Variants in PRKCE observed in about 807,000 individuals in gnomAD.
The protein encoded by PRKCE is protein kinase C epsilon, also known as protein kinase C epsilon type.
In PRKCE, 16 loss-of-function variants were observed where a neutral mutation model predicts 85.4. The observed-to-expected ratio is 0.19, with a 90% CI of 0.13 to 0.28. The LOEUF is 0.28. PRKCE is among the 10% of genes least tolerant of loss of function. PRKCE has a pLI of 1.00. For missense variants in PRKCE, 573 were observed against 975.2 expected (o/e 0.59, Z 5.49); for synonymous variants, 388 against 371.5 (o/e 1.04, Z -0.51).
At chr2:46,150,997 T>G in intron 12 of PRKCE, 44 bp from the exon 13 acceptor site, 1 of 1,554,026 alleles carries the variant, frequency 6.4e-7, no homozygotes, top group Non-Finnish European at 8.7e-7. Flanking sequence ...GTCACTGGGG[T>G]GGGAGCCTTT....
At chr2:45,704,094 G>A (rs529385574) in intron 1 of PRKCE, among the ~76,000 whole-genome samples, 24 of 152,310 alleles carry the variant, frequency 1.6e-4, no homozygotes, top group African/African-American at 5.5e-4. Flanking sequence ...GCGATGCATA[G>A]CTGAATAGAA....
At chr2:46,169,455 C>T (rs746447447) in intron 14 of PRKCE, among the ~76,000 whole-genome samples, 10 of 152,174 alleles carry the variant, frequency 6.6e-5, no homozygotes, top group Non-Finnish European at 1.5e-4. Context: ...GGACCTATTT[C>T]GCCTTAACAG....
chr2:45,806,954 G>A (rs770550482), intron 1 of PRKCE, among the ~76,000 whole-genome samples: 3 of 152,216 alleles, frequency 2.0e-5, no homozygotes, highest in Non-Finnish European at 2.9e-5. Flanking sequence ...TGCCTAGAGA[G>A]CCACTGTGGG....
chr2:45,936,330 C>T (rs942967120), intron 2 of PRKCE, among the ~76,000 whole-genome samples: 3 of 152,272 alleles, frequency 2.0e-5, no homozygotes, highest in African/African-American at 7.2e-5. Context: ...CTCAGGAACC[C>T]GTGCCCCAGC....
At chr2:45,989,393 G>A (rs1223485909) in intron 6 of PRKCE, among the ~76,000 whole-genome samples, 1 of 152,218 alleles carries the variant, frequency 6.6e-6, no homozygotes, top group African/African-American at 2.4e-5. Context: ...AACAGGAGTG[G>A]TGGCCTGAAG....
At chr2:45,980,419 C>T (rs1702793185) in intron 5 of PRKCE, 38 bp downstream of exon 5, 1 of 1,572,092 alleles carries the variant, frequency 6.4e-7, no homozygotes, top group East Asian at 2.2e-5. Context: ...GGCTTCTTCA[C>T]CGCCAGCCCC....
intron 1 of PRKCE, among the ~76,000 whole-genome samples, chr2:45,782,272 A>G (rs929115377): frequency 1.3e-5 from 2 of 152,050 alleles, no homozygotes; most frequent in Admixed American, 6.6e-5. Context: ...CTGGGAATGA[A>G]TGTTGATTTT....
chr2:46,015,757 C>CAGCTATGTCAG (rs538588657), intron 10 of PRKCE, among the ~76,000 whole-genome samples: 2 of 143,422 alleles, frequency 1.4e-5, no homozygotes, highest in Non-Finnish European at 3.0e-5. Context: ...TCTAAAGAGA[C>CAGCTATGTCAG]AGCTATGTCA....
chr2:45,983,966 C>G (rs1187814535), intron 5 of PRKCE, among the ~76,000 whole-genome samples: 3 of 137,262 alleles, frequency 2.2e-5, no homozygotes, highest in East Asian at 4.2e-4. Context: ...GAGACAGAGT[C>G]TTGCTCTGTC....
chr2:45,973,540 A>T (rs1445067297), intron 2 of PRKCE, among the ~76,000 whole-genome samples: 1 of 152,184 alleles, frequency 6.6e-6, no homozygotes, highest in Non-Finnish European at 1.5e-5. Context: ...ACCTTGGAGG[A>T]AGTTGAACTT....
chr2:45,919,767 G>A (rs925813376), intron 2 of PRKCE, among the ~76,000 whole-genome samples: 6 of 152,222 alleles, frequency 3.9e-5, no homozygotes, highest in Non-Finnish European at 7.3e-5. Flanking sequence ...TAACCTACAG[G>A]CATGTACCAT....
At chr2:45,703,663 A>G (rs1455030807) in intron 1 of PRKCE, among the ~76,000 whole-genome samples, 1 of 152,060 alleles carries the variant, frequency 6.6e-6, no homozygotes, top group African/African-American at 2.4e-5. Context: ...CTCTGCATGG[A>G]ACTGATTCTT....
intron 1 of PRKCE, among the ~76,000 whole-genome samples, chr2:45,660,152 C>A (rs1675572294): frequency 6.6e-6 from 1 of 152,142 alleles, no homozygotes. Flanking sequence ...GGTTTGGTAA[C>A]ACAAAAGTTG....
chr2:45,953,993 T>C (rs1700805695), intron 2 of PRKCE, among the ~76,000 whole-genome samples: 1 of 152,224 alleles, frequency 6.6e-6, no homozygotes, highest in African/African-American at 2.4e-5. Context: ...TAAGCTGCCC[T>C]TCCCTACTGC....
At chr2:45,705,047 G>A (rs1678996390) in intron 1 of PRKCE, among the ~76,000 whole-genome samples, 1 of 152,216 alleles carries the variant, frequency 6.6e-6, no homozygotes, top group Non-Finnish European at 1.5e-5. Context: ...AGCAGGTGGA[G>A]TACTTCAAGA....
chr2:45,841,644 C>A (rs183466216), intron 1 of PRKCE, among the ~76,000 whole-genome samples: 48 of 152,318 alleles, frequency 3.2e-4, no homozygotes, highest in Middle Eastern at 3.4e-3. Flanking sequence ...CACCCAGTAA[C>A]AATGCTTTGC....
chr2:45,886,460 C>T (rs368486896), intron 2 of PRKCE, among the ~76,000 whole-genome samples: 1 of 152,186 alleles, frequency 6.6e-6, no homozygotes, highest in Non-Finnish European at 1.5e-5. Context: ...TAAAACAAAC[C>T]TGCCATGCTG....
chr2:46,091,155 G>A (rs1417494919), intron 11 of PRKCE, among the ~76,000 whole-genome samples: 1 of 151,848 alleles, frequency 6.6e-6, no homozygotes, highest in Non-Finnish European at 1.5e-5. Flanking sequence ...CAGGGGGAGG[G>A]CTGGGTGGGG....
At chr2:45,757,132 C>T (rs1425239018) in intron 1 of PRKCE, among the ~76,000 whole-genome samples, 1 of 151,696 alleles carries the variant, frequency 6.6e-6, no homozygotes, top group Admixed American at 6.6e-5. Flanking sequence ...ACAGGTGAGA[C>T]ACCTGTATCA....
Sources: allele counts gnomAD v4.1 joint callset (sites outside exome capture counted in the v4.1 genomes callset), GRCh38; gene constraint gnomAD v4.1.1; transcripts MANE v1.5; gene names NCBI Gene and HGNC (gene_info 2026-07-23, HGNC 2026-07-21).